Variants in NCAN observed in about 807,000 individuals in gnomAD.
NCAN encodes the protein neurocan.
In NCAN, 47 loss-of-function variants were observed where a neutral mutation model predicts 121.8. That is an observed-to-expected ratio of 0.39 (90% CI 0.31 to 0.49). The LOEUF (loss-of-function observed/expected upper bound fraction) is 0.49, where lower values mean the gene tolerates loss of function less well. NCAN is among the 20% of genes least tolerant of loss of function. The pLI, the probability that NCAN is intolerant of heterozygous loss-of-function variation, is 0.92. For missense variants in NCAN, 1,517 were observed against 1,773.4 expected, an observed-to-expected ratio of 0.86 and a Z score of 2.60; for synonymous variants, 633 against 702.0, an observed-to-expected ratio of 0.90 and a Z score of 1.55.
At chr19:19,245,743 G>A (rs1476565713) in intron 13 of NCAN, among the ~76,000 whole-genome samples, 1 of 152,034 alleles carries the variant, frequency 6.6e-6, no homozygotes, top group Non-Finnish European at 1.5e-5. Flanking sequence ...CTCTCGAAGT[G>A]CTGGGATTAT....
At position 19,227,090 on chromosome 19, in the gene NCAN, G is replaced by C; in HGVS notation, c.1660+17G>C. The C allele has an allele frequency of 6.6e-7, 1 of 1,505,496 alleles. No individual in the cohort carries two copies. Among genetic ancestry groups the C allele is most frequent in the Non-Finnish European group, 8.9e-7 (1 of 1,129,210 alleles). 93.3% of individuals were successfully genotyped at this position (1,505,496 alleles called of 1,614,324 possible). On this transcript the variant is annotated intron_variant, in intron 7 of 14. Coordinates refer to ENST00000252575, the MANE Select transcript of NCAN (RefSeq NM_004386.3). The surrounding 1 kb of genome is among the most constrained non-coding windows in gnomAD (Gnocchi z 4.2). ...CTGGAGCTGGTGAGTTGCTCTGGGG[G>C]AGGCGGGACCTACCTGGGGATCTGG...
At chr19:19,230,403 A>ATTTTTT (rs5827436) in intron 8 of NCAN, among the ~76,000 whole-genome samples, 1 of 118,478 alleles carries the variant, frequency 8.4e-6, no homozygotes, top group Non-Finnish European at 1.6e-5. Context: ...CCACCCCCAA[A>ATTTTTT]TTTTTTTTTT....
chr19:19,213,770 C>G (rs889531583), intron 1 of NCAN, among the ~76,000 whole-genome samples: 1 of 151,944 alleles, frequency 6.6e-6, no homozygotes, highest in Non-Finnish European at 1.5e-5. Context: ...AGAGTTGGGG[C>G]GCTAACAGGG....
chr19:19,227,831 T>A lies in NCAN; in HGVS notation c.2211T>A (p.Gly737=). Residue 737 remains glycine, a synonymous_variant, in exon 8 of 15, where the codon GGT becomes GGA. Transcript: ENST00000252575. The surrounding 1 kb of genome is among the most constrained non-coding windows in gnomAD (Gnocchi z 4.2). ...WPSVNRNVAV[G]FVPTETATEP... Reference sequence around the variant, plus strand: ...CTGTAAACAGGAATGTGGCTGTAGGTTTTGTCCCCACTGAGACTGCCACTG... The same window carrying A: ...CTGTAAACAGGAATGTGGCTGTAGGATTTGTCCCCACTGAGACTGCCACTG... The A allele has an allele frequency of 6.2e-7, 1 of 1,613,492 alleles. No homozygotes were observed.
intron 3 of NCAN, among the ~76,000 whole-genome samples, chr19:19,220,346 CTT>C (rs958756281): frequency 1.3e-4 from 19 of 148,450 alleles, no homozygotes; most frequent in African/African-American, 2.2e-4. Flanking sequence ...GTAAAATAAA[CTT>C]AAGTTTTTTT....
chr19:19,249,123 C>A, intron 14 of NCAN: 1 of 449,558 alleles, frequency 2.2e-6, no homozygotes, highest in Non-Finnish European at 3.9e-6. Context: ...GTTGCCCAGG[C>A]TGGAGTGCAG....
Position 19,227,830 on chromosome 19 carries a change from G to A in NCAN, c.2210G>A (p.Gly737Asp). 1 of 1,613,630 alleles carries A rather than the reference G, an allele frequency of 6.2e-7. No individual in the cohort carries two copies. Among genetic ancestry groups the A allele is most frequent in the Non-Finnish European group, 8.5e-7 (1 of 1,180,018 alleles). Residue 737 changes from glycine (G) to aspartate (D), a missense_variant, in exon 8 of 15, where the codon GGT becomes GAT. Transcript: ENST00000252575. The surrounding 1 kb of genome is among the most constrained non-coding windows in gnomAD (Gnocchi z 4.2). ...WPSVNRNVAV[G>D]FVPTETATEP... ...TCTGTAAACAGGAATGTGGCTGTAG[G>A]TTTTGTCCCCACTGAGACTGCCACT...
chr19:19,220,444 G>A (rs2313913), intron 3 of NCAN, among the ~76,000 whole-genome samples: 1 of 139,868 alleles, frequency 7.1e-6, no homozygotes, highest in Non-Finnish European at 1.5e-5. Flanking sequence ...ACCTGTTTAG[G>A]CAATTCTTTT....
rs374706492 is a variant in NCAN at position 19,235,108 on chromosome 19, T to C, written c.3250+12T>C. On this transcript the variant is annotated intron_variant, in intron 10 of 14. Coordinates refer to ENST00000252575, the MANE Select transcript of NCAN (RefSeq NM_004386.3). ...CTTTTGTGAGAAAGGTGAGTTTCTA[T>C]TGCAACACCAGAAACAGTACCAAGA... 6.3e-7 allele frequency: 1 copy of C among 1,580,414 alleles called. No individual in the cohort carries two copies. Among genetic ancestry groups the C allele is most frequent in the African/African-American group, 1.3e-5 (1 of 74,382 alleles).
At position 19,216,927 on chromosome 19, in the gene NCAN, C is replaced by T; in HGVS notation, c.-7-20C>T. The T allele has an allele frequency of 7.7e-7, 1 of 1,304,576 alleles. No homozygotes were observed. The highest frequency in any genetic ancestry group is 2.8e-5 in the East Asian group (1 of 35,530). The allele number at this position is 1,304,576 out of a possible 1,614,324, so 80.8% of individuals were successfully genotyped here. A position where few individuals can be genotyped will look rare whatever the true frequency, so the allele number is the denominator to read the frequency against. ...GTTGGGCTGTGGCTCACCCCTCCCT[C>T]CCTCTCCATTTTGTTCCAGATCCAG... On this transcript the variant is annotated intron_variant, in intron 1 of 14. Coordinates refer to ENST00000252575, the MANE Select transcript of NCAN (RefSeq NM_004386.3).
At chr19:19,234,814 C>T (rs1269049128) in intron 9 of NCAN, among the ~76,000 whole-genome samples, 169 bp from the exon 10 acceptor site, 1 of 152,182 alleles carries the variant, frequency 6.6e-6, no homozygotes, top group Non-Finnish European at 1.5e-5. Flanking sequence ...TATGAGGTTC[C>T]ACCCCCTTGC....
chr19:19,236,413 C>T (rs2060881364), intron 10 of NCAN, among the ~76,000 whole-genome samples: 1 of 152,090 alleles, frequency 6.6e-6, no homozygotes, highest in Admixed American at 6.6e-5. Context: ...TTTATCCATT[C>T]ATGGTTTGAT....
chr19:19,251,693 A>G lies in NCAN; in HGVS notation c.*1782A>G, dbSNP rs969672570. On this transcript the variant is annotated 3_prime_UTR_variant, in exon 15 of 15. Coordinates refer to ENST00000252575, the MANE Select transcript of NCAN (RefSeq NM_004386.3). ...TTGCACCCTCATACACATTTAGGAA[A>G]TGGTTAAGAAGTGTAAACTGAACCC... 6.6e-6 allele frequency: 1 copy of G among 152,166 alleles called. No individual in the cohort carries two copies. The highest frequency in any genetic ancestry group is 2.4e-5 in the African/African-American group (1 of 41,444). 9.4% of individuals were successfully genotyped at this position (152,166 alleles called of 1,614,324 possible).
In NCAN at chr19:19,216,681, G is replaced by GTCC. The variant is rs1156598788; in HGVS notation, c.-7-262_-7-260dup. Among the ~76,000 whole-genome samples the GTCC allele has an allele frequency of 3.3e-5, 5 of 151,756 alleles. No individual in the cohort carries two copies. In the East Asian group the frequency reaches 7.8e-4, roughly 24 times the overall value. The stretch of plus-strand genomic sequence containing the variant: ...GGTCTCAAGCTTCTGGCCTCAAGCA[G>GTCC]TCCTCCCACCTCAGCCTCCCAAAGT... On this transcript the variant is annotated intron_variant, in intron 1 of 14. Transcript: ENST00000252575.
intron 10 of NCAN, among the ~76,000 whole-genome samples, chr19:19,237,230 A>G (rs2060884248): frequency 6.6e-6 from 1 of 152,098 alleles, no homozygotes; most frequent in African/African-American, 2.4e-5. Flanking sequence ...TTAAAAAAAA[A>G]TTATATGTAA....
At chr19:19,248,272 C>T (rs555156929) in intron 13 of NCAN, among the ~76,000 whole-genome samples, 5 of 152,134 alleles carry the variant, frequency 3.3e-5, no homozygotes, top group African/African-American at 7.2e-5. Flanking sequence ...TGACGAAACC[C>T]GGTCTCTACT....
intron 3 of NCAN, among the ~76,000 whole-genome samples, chr19:19,222,994 A>G (rs1175386969): frequency 6.6e-6 from 1 of 152,144 alleles, no homozygotes; most frequent in Non-Finnish European, 1.5e-5. Flanking sequence ...CTGTAGTCCC[A>G]GCTACTTGGG....
At position 19,228,314 on chromosome 19, in the gene NCAN, C is replaced by G. The variant is rs775807844; in HGVS notation, c.2694C>G (p.His898Gln). Residue 898 changes from histidine to glutamine, a missense_variant, in exon 8 of 15, where the codon CAC becomes CAG. His to Gln is a conservative substitution (Grantham distance 24). Transcript: ENST00000252575. The stretch of plus-strand genomic sequence containing the variant: ...TGGGCTCCTCAAGCTCCCAACCCCA[C>G]CCAGAGCCAGAGGATCAGGTGGAGA... ...STLGSSSSQP[H>Q]PEPEDQVETQ... The G allele has an allele frequency of 7.4e-6, 12 of 1,613,902 alleles. No homozygotes were observed. The African/African-American group carries it at 1.3e-4, about 18-fold the overall frequency.
chr19:19,230,841 C>G (rs1021129539), intron 8 of NCAN, among the ~76,000 whole-genome samples: 1 of 148,490 alleles, frequency 6.7e-6, no homozygotes, highest in Non-Finnish European at 1.5e-5. Flanking sequence ...ACATCAGCTT[C>G]TCCAGTAGCT....
Sources: allele counts gnomAD v4.1 joint callset (sites outside exome capture counted in the v4.1 genomes callset), GRCh38; gene constraint gnomAD v4.1.1; non-coding constraint Gnocchi (gnomAD v3.1); transcripts MANE v1.5; gene names NCBI Gene and HGNC (gene_info 2026-07-23, HGNC 2026-07-21).